KAZN: variants seen among roughly 807,000 people sequenced by gnomAD.
The protein encoded by KAZN is kazrin, periplakin interacting protein, also known as kazrin.
In KAZN, 40 loss-of-function variants were observed where a neutral mutation model predicts 87.4. That is an observed-to-expected ratio of 0.46 (90% CI 0.36 to 0.60). The LOEUF is 0.60. Among genes scored for constraint, KAZN ranks in the 20% least tolerant of loss-of-function variants. The pLI, the probability that KAZN is intolerant of heterozygous loss-of-function variation, is 0.00. For synonymous variants in KAZN, 466 were observed against 458.3 expected, an observed-to-expected ratio of 1.02 and a Z score of -0.22; for missense variants, 898 against 1,073.9, an observed-to-expected ratio of 0.84 and a Z score of 2.29.
rs541727558 is a variant in KAZN at position 14,550,245 on chromosome 1, C to A, written c.250-48738C>A. Among the ~76,000 whole-genome samples the A allele has an allele frequency of 5.9e-5, 9 of 151,886 alleles. No homozygotes were observed. In the South Asian group the frequency reaches 1.9e-3, roughly 32 times the overall value. ...AATTTACATTTAATGGGAAGGCACA[C>A]AATAAACAAGAAAACAAACAAGATT... On this transcript the variant is annotated intron_variant, in intron 2 of 16. Coordinates refer to the KAZN transcript ENST00000636203.
chr1:14,934,277 G>A (rs964949278), intron 1 of KAZN, among the ~76,000 whole-genome samples: 3 of 150,658 alleles, frequency 2.0e-5, no homozygotes, highest in Non-Finnish European at 4.4e-5. Flanking sequence ...GGTGCGTCTT[G>A]GCTCACTGCA....
At chr1:14,413,810 T>A (rs1664518641) in intron 2 of KAZN, among the ~76,000 whole-genome samples, 1 of 152,014 alleles carries the variant, frequency 6.6e-6, no homozygotes, top group Non-Finnish European at 1.5e-5. Flanking sequence ...TTTTAAAAAT[T>A]AGCATCTGGA....
At chr1:14,095,113 C>T (rs1276717599) in intron 1 of KAZN, among the ~76,000 whole-genome samples, 2 of 152,184 alleles carry the variant, frequency 1.3e-5, no homozygotes, top group South Asian at 4.1e-4. Flanking sequence ...GCATCCCTGC[C>T]TCTCTGGCCC....
intron 1 of KAZN, among the ~76,000 whole-genome samples, chr1:14,925,724 C>T (rs1480932044): frequency 2.0e-5 from 3 of 152,132 alleles, no homozygotes; most frequent in Non-Finnish European, 4.4e-5. Flanking sequence ...AGAAAAAAGC[C>T]AACCACAAGG....
rs536968137 is a variant in KAZN at position 14,603,690 on chromosome 1, A to G, written c.226+4467A>G. 1.6e-3 allele frequency among the ~76,000 whole-genome samples: 243 copies of G among 152,306 alleles called. 2 individuals are homozygous for G. Among genetic ancestry groups the G allele is most frequent in the African/African-American group, 5.7e-3 (237 of 41,570 alleles). Reference sequence around the variant, plus strand: ...TGACTCATCTAACAGGAGCCTGGTCACATATCTTTCCAGGGTAAGGCATGA... The same window carrying G: ...TGACTCATCTAACAGGAGCCTGGTCGCATATCTTTCCAGGGTAAGGCATGA... On this transcript the variant is annotated intron_variant, in intron 1 of 14. Transcript: ENST00000376030.
intron 2 of KAZN, among the ~76,000 whole-genome samples, chr1:14,375,431 G>T (rs1660818757): frequency 6.6e-6 from 1 of 152,144 alleles, no homozygotes; most frequent in Non-Finnish European, 1.5e-5. Context: ...TGTATTTAGA[G>T]CCATACCGTA....
intron 2 of KAZN, among the ~76,000 whole-genome samples, chr1:14,401,111 G>A (rs1312911411): frequency 1.3e-5 from 2 of 152,152 alleles, no homozygotes; most frequent in Admixed American, 6.6e-5. Context: ...GGGATAAGAA[G>A]GGGGCAGAAG....
chr1:14,130,699 C>T (rs1004551520), intron 1 of KAZN, among the ~76,000 whole-genome samples: 1 of 152,100 alleles, frequency 6.6e-6, no homozygotes, highest in African/African-American at 2.4e-5. Context: ...CTGATTCCTC[C>T]TCAGTGAGAA....
At chr1:14,775,884 C>T (rs945243258) in intron 1 of KAZN, among the ~76,000 whole-genome samples, 7 of 152,236 alleles carry the variant, frequency 4.6e-5, no homozygotes, top group African/African-American at 7.2e-5. Context: ...CACTTGAAGG[C>T]GTCACAGGCC....
chr1:14,791,438 A>G (rs1203213284), intron 1 of KAZN, among the ~76,000 whole-genome samples: 2 of 152,192 alleles, frequency 1.3e-5, no homozygotes, highest in African/African-American at 4.8e-5. Flanking sequence ...TTGTGCCATC[A>G]TTCCAAACAC....
chr1:14,401,857 T>C (rs1248189359), intron 2 of KAZN, among the ~76,000 whole-genome samples: 1 of 151,738 alleles, frequency 6.6e-6, no homozygotes, highest in African/African-American at 2.4e-5. Flanking sequence ...AAACTAGAAA[T>C]GGGAAAAAAA....
At chr1:14,974,004 A>G (rs558297367) in intron 2 of KAZN, among the ~76,000 whole-genome samples, 40 of 152,134 alleles carry the variant, frequency 2.6e-4, no homozygotes, top group Admixed American at 6.5e-4. Flanking sequence ...GGGTACTTCC[A>G]TGCTATTCCT....
intron 2 of KAZN, among the ~76,000 whole-genome samples, chr1:14,980,797 C>T (rs1352303062): frequency 6.6e-6 from 1 of 152,050 alleles, no homozygotes; most frequent in Non-Finnish European, 1.5e-5. Flanking sequence ...AATCGTGGAG[C>T]ACATCCTCAG....
intron 2 of KAZN, among the ~76,000 whole-genome samples, chr1:14,405,680 T>C (rs1663794229): frequency 6.6e-6 from 1 of 150,530 alleles, no homozygotes; most frequent in Non-Finnish European, 1.5e-5. Flanking sequence ...TATAAGGAAT[T>C]GGCACTCACA....
intron 2 of KAZN, among the ~76,000 whole-genome samples, chr1:14,585,786 G>C (rs909013654): frequency 3.3e-5 from 5 of 152,218 alleles, no homozygotes; most frequent in African/African-American, 1.2e-4. Context: ...AAAGATTCCT[G>C]AGGCAGCAGA....
intron 2 of KAZN, among the ~76,000 whole-genome samples, chr1:14,499,948 G>T (rs899828683): frequency 1.3e-5 from 2 of 152,084 alleles, no homozygotes. Context: ...GCTGTTCAAG[G>T]CACCTGATGT....
At chr1:14,312,662 C>A (rs925683965) in intron 2 of KAZN, among the ~76,000 whole-genome samples, 2 of 152,084 alleles carry the variant, frequency 1.3e-5, no homozygotes, top group Admixed American at 6.6e-5. Flanking sequence ...TAGTAACTTG[C>A]TTCTAATGAG....
intron 1 of KAZN, among the ~76,000 whole-genome samples, chr1:14,139,302 G>A (rs1645181341): frequency 6.6e-6 from 1 of 152,170 alleles, no homozygotes; most frequent in African/African-American, 2.4e-5. Flanking sequence ...CTATGGTAAT[G>A]GCTACTGTGT....
chr1:14,389,591 G>A (rs1454791027), intron 2 of KAZN, among the ~76,000 whole-genome samples: 1 of 152,138 alleles, frequency 6.6e-6, no homozygotes, highest in Non-Finnish European at 1.5e-5. Flanking sequence ...AGTGAAATAA[G>A]CCAGGCACAG....
Sources: gnomAD v4.1 joint callset for allele counts (sites outside exome capture counted in the v4.1 genomes callset) on GRCh38, gnomAD v4.1.1 for gene constraint, MANE v1.5 for transcripts, NCBI Gene and HGNC (gene_info 2026-07-23, HGNC 2026-07-21) for gene names.